The following SYNRG variants were observed in gnomAD, a reference collection of about 807,000 sequenced individuals.
SYNRG encodes synergin gamma.
SYNRG carries 37 observed loss-of-function variants against 130.9 expected under a neutral mutation model. The ratio of observed to expected loss-of-function variants is 0.28; its 90% CI spans 0.22 to 0.37. The LOEUF is 0.37. Among genes scored for constraint, SYNRG ranks in the 10% least tolerant of loss-of-function variants. SYNRG has a pLI of 1.00. For synonymous variants in SYNRG, 539 were observed against 568.1 expected (o/e 0.95, Z 0.73); for missense variants, 1,338 against 1,588.9 (o/e 0.84, Z 2.68).
intron 19 of SYNRG, among the ~76,000 whole-genome samples, chr17:37,531,496 CT>C (rs1462822217): frequency 6.6e-6 from 1 of 152,148 alleles, no homozygotes; most frequent in African/African-American, 2.4e-5. Flanking sequence ...AGTGTTTTGG[CT>C]GGACACAGTG....
intron 6 of SYNRG, among the ~76,000 whole-genome samples, chr17:37,583,469 T>C (rs1337125025): frequency 6.6e-6 from 1 of 152,152 alleles, no homozygotes; most frequent in African/African-American, 2.4e-5. Context: ...GAGTCAAAGT[T>C]GTCCCGGAAA....
intron 4 of SYNRG, among the ~76,000 whole-genome samples, chr17:37,585,867 C>T (rs2061654613): frequency 6.6e-6 from 1 of 152,146 alleles, no homozygotes; most frequent in Non-Finnish European, 1.5e-5. Flanking sequence ...ACTGTGTAAC[C>T]TGGACTGACA....
intron 14 of SYNRG, among the ~76,000 whole-genome samples, chr17:37,547,372 T>C (rs1677708295): frequency 6.6e-6 from 1 of 152,020 alleles, no homozygotes; most frequent in African/African-American, 2.4e-5. Flanking sequence ...AGGCAGGAAG[T>C]GCAATTGAGG....
At chr17:37,520,413 C>T in intron 20 of SYNRG, 125 bp downstream of exon 20, 2 of 1,125,148 alleles carry the variant, frequency 1.8e-6, no homozygotes, top group African/African-American at 1.5e-5. Flanking sequence ...CTACCATCAG[C>T]TTTTAGGACT....
intron 16 of SYNRG, among the ~76,000 whole-genome samples, chr17:37,539,857 G>C (rs1053765503): frequency 5.9e-5 from 9 of 152,122 alleles, no homozygotes; most frequent in Non-Finnish European, 1.2e-4. Flanking sequence ...TAGCTATCTG[G>C]TACAGAAACT....
intron 13 of SYNRG, among the ~76,000 whole-genome samples, chr17:37,556,914 T>C (rs906058610): frequency 7.2e-5 from 11 of 152,184 alleles, no homozygotes. Context: ...GCTTTGTTTG[T>C]TTGTTTGTTT....
At chr17:37,561,428 G>A in intron 12 of SYNRG, 43 bp downstream of exon 12, 3 of 1,522,156 alleles carry the variant, frequency 2.0e-6, no homozygotes, top group South Asian at 1.1e-5. Context: ...TAAATAGTAT[G>A]CAATTTAGCA....
intron 1 of SYNRG, among the ~76,000 whole-genome samples, chr17:37,604,568 T>C (rs994691430): frequency 1.3e-5 from 2 of 152,248 alleles, no homozygotes; most frequent in Non-Finnish European, 2.9e-5. Flanking sequence ...CCTTTTTCAA[T>C]ATCAGCAATA....
intron 19 of SYNRG, among the ~76,000 whole-genome samples, chr17:37,530,757 T>C (rs935551780): frequency 6.6e-6 from 1 of 152,192 alleles, no homozygotes; most frequent in Non-Finnish European, 1.5e-5. Context: ...CCATTCCTTC[T>C]CCCCAGCTTC....
At chr17:37,539,297 T>A in intron 16 of SYNRG, 52 bp from the exon 17 acceptor site, 9 of 1,574,124 alleles carry the variant, frequency 5.7e-6, no homozygotes, top group Non-Finnish European at 7.8e-6. Context: ...TGGAATCTTC[T>A]ATTGATGACT....
intron 13 of SYNRG, 107 bp downstream of exon 13, chr17:37,561,088 G>GAC (rs754956331): frequency 4.8e-5 from 44 of 915,872 alleles, no homozygotes; most frequent in Non-Finnish European, 6.3e-5. Flanking sequence ...TAAACACACA[G>GAC]ACACACACAC....
rs1449397441 is a variant in SYNRG at position 37,541,865 on chromosome 17, C to T, written c.3202+107G>A. The T allele has an allele frequency of 4.7e-6, 5 of 1,071,786 alleles. No individual in the cohort carries two copies. The East Asian group carries it at 1.2e-4, about 26-fold the overall frequency. The allele number at this position is 1,071,786 out of a possible 1,614,324, so 66.4% of individuals were successfully genotyped here. A position where few individuals can be genotyped will look rare whatever the true frequency, so the allele number is the denominator to read the frequency against. On this transcript the variant is annotated intron_variant, in intron 15 of 21. Transcript: ENST00000612223. ...TTGACCCTGATTTCAAAGATTAGAA[C>T]AATCTATTTCCTGCGAAACCAGAGA...
At chr17:37,604,570 T>C (rs1345098466) in intron 1 of SYNRG, among the ~76,000 whole-genome samples, 1 of 152,210 alleles carries the variant, frequency 6.6e-6, no homozygotes, top group Non-Finnish European at 1.5e-5. Flanking sequence ...TTTTTCAATA[T>C]CAGCAATAAA....
At chr17:37,521,748 C>T (rs772351849) in intron 19 of SYNRG, among the ~76,000 whole-genome samples, 4 of 152,038 alleles carry the variant, frequency 2.6e-5, no homozygotes, top group Admixed American at 6.6e-5. Flanking sequence ...ATGAAGGCAG[C>T]GGCGGTGGGG....
rs142913126 is a variant in SYNRG, at chr17:37,596,120, C to T, written c.240+103G>A. 1.8e-5 allele frequency: 24 copies of T among 1,331,616 alleles called. 2 individuals are homozygous for T. The East Asian group carries it at 4.5e-4, about 25-fold the overall frequency. 82.5% of individuals were successfully genotyped at this position (1,331,616 alleles called of 1,614,324 possible). A position where few individuals can be genotyped will look rare whatever the true frequency, so the allele number is the denominator to read the frequency against. ...GTTTGAAGGAAGCCATTTATTTATGCTTATTTCTAATTGTAACATTAAGCT... is the reference window on the plus strand; with the variant it reads ...GTTTGAAGGAAGCCATTTATTTATGTTTATTTCTAATTGTAACATTAAGCT... On this transcript the variant is annotated intron_variant, in intron 3 of 21. Coordinates refer to ENST00000612223, the MANE Select transcript of SYNRG (RefSeq NM_007247.6).
chr17:37,586,440 T>C lies in SYNRG; in HGVS notation c.350A>G (p.Lys117Arg). ...TTACTGCTGCTCTTCGGCAAACTGC[T>C]TCTGCATGTCTGGAGTGTACTGTGG... Reference protein sequence around the residue: ...PGPQYTPDMQKQFAEEQQKRF... With the variant: ...PGPQYTPDMQRQFAEEQQKRF... Residue 117 changes from lysine to arginine, a missense_variant, in exon 4 of 22, where the codon AAG (lysine) becomes AGG (arginine). Transcript: ENST00000612223. 6.2e-7 allele frequency: 1 copy of C among 1,614,208 alleles called. No individual in the cohort carries two copies. The highest frequency in any genetic ancestry group is 1.1e-5 in the South Asian group (1 of 91,084).
intron 13 of SYNRG, among the ~76,000 whole-genome samples, chr17:37,560,811 C>T (rs752834265): frequency 1.3e-4 from 19 of 151,272 alleles, no homozygotes; most frequent in Non-Finnish European, 2.5e-4. Flanking sequence ...ACTACAGGTG[C>T]GCACCATCAC....
chr17:37,565,401 C>T (rs1354100524), intron 11 of SYNRG, among the ~76,000 whole-genome samples: 2 of 152,172 alleles, frequency 1.3e-5, no homozygotes, highest in East Asian at 1.9e-4. Context: ...CTACAACCTC[C>T]ACCTCCCAGC....
chr17:37,569,111 T>C (rs1205179260), intron 10 of SYNRG, among the ~76,000 whole-genome samples, 187 bp from the exon 11 acceptor site: 1 of 152,114 alleles, frequency 6.6e-6, no homozygotes, highest in Non-Finnish European at 1.5e-5. Flanking sequence ...AAAAGACTGG[T>C]TTAAATAGCT....
Sources: gnomAD v4.1 joint callset for allele counts (sites outside exome capture counted in the v4.1 genomes callset) on GRCh38, gnomAD v4.1.1 for gene constraint, MANE v1.5 for transcripts, NCBI Gene and HGNC (gene_info 2026-07-23, HGNC 2026-07-21) for gene names.